The following CNTN1 variants were observed in gnomAD, a reference collection of about 807,000 sequenced individuals.
CNTN1 encodes contactin-1.
A neutral mutation model predicts 126.4 loss-of-function variants in CNTN1; 38 were observed. That is an observed-to-expected ratio of 0.30 (90% CI 0.23 to 0.39). The LOEUF is 0.39. CNTN1 is among the 10% of genes least tolerant of loss of function. The probability of loss-of-function intolerance (pLI) is 1.00; values close to 1 mark genes in which losing one functional copy is unlikely to be tolerated. For missense variants in CNTN1, 1,009 were observed against 1,248.4 expected (o/e 0.81, Z 2.89); for synonymous variants, 413 against 422.6 (o/e 0.98, Z 0.28).
At chr12:40,788,949 A>T (rs1940127501) in intron 1 of CNTN1, among the ~76,000 whole-genome samples, 1 of 152,090 alleles carries the variant, frequency 6.6e-6, no homozygotes, top group African/African-American at 2.4e-5. Context: ...TTAATTTTTA[A>T]TTTAGATCTT....
chr12:41,017,874 C>G (rs1486257557), intron 19 of CNTN1, among the ~76,000 whole-genome samples: 1 of 151,970 alleles, frequency 6.6e-6, no homozygotes, highest in Non-Finnish European at 1.5e-5. Context: ...GGTGGATCAC[C>G]TGAGGTTGGG....
rs191865736 is a variant in CNTN1, at chr12:40,887,804, C to T, written c.-76-20553C>T. ...GATAGACTGGATTAAGAAAATGTGG[C>T]GCGTATACACCATGGAATACTATGC... On this transcript the variant is annotated intron_variant, in intron 1 of 23. Coordinates refer to ENST00000551295, the MANE Select transcript of CNTN1 (RefSeq NM_001843.4). Among the ~76,000 whole-genome samples the T allele has an allele frequency of 1.5e-4, 23 of 152,114 alleles. No individual in the cohort carries two copies. In the East Asian group the frequency reaches 1.7e-3, roughly 11 times the overall value.
At chr12:40,876,870 A>C (rs1943686279) in intron 1 of CNTN1, among the ~76,000 whole-genome samples, 1 of 152,126 alleles carries the variant, frequency 6.6e-6, no homozygotes, top group African/African-American at 2.4e-5. Context: ...CATTTTAATG[A>C]ATTCAATACA....
chr12:41,035,222 T>G (rs1949230061), intron 23 of CNTN1, among the ~76,000 whole-genome samples: 1 of 152,182 alleles, frequency 6.6e-6, no homozygotes, highest in Admixed American at 6.6e-5. Context: ...ATGGAACACA[T>G]GTAAGAATGG....
At chr12:41,051,314 AT>A (rs60640159) in intron 23 of CNTN1, among the ~76,000 whole-genome samples, 2,065 of 146,888 alleles carry the variant, frequency 0.014, 38 homozygotes, top group African/African-American at 0.047. Flanking sequence ...TGCCCAGATA[AT>A]TTTTTTTTTT....
At chr12:40,972,252 G>A (rs1406540481) in intron 15 of CNTN1, 3 of 985,174 alleles carry the variant, frequency 3.0e-6, no homozygotes, top group East Asian at 2.3e-4. Flanking sequence ...TTGGGTGGAA[G>A]GTTGTGATTT....
rs142951366 is a variant in CNTN1 at position 40,695,195 on chromosome 12, T to C, written c.-77+2603T>C. ...ACATTGAACACAGTCCTATAATAAG[T>C]AGCCTTAAAGATTCTTGTTCAGGAA... On this transcript the variant is annotated intron_variant, in intron 1 of 23. Coordinates refer to ENST00000551295, the MANE Select transcript of CNTN1 (RefSeq NM_001843.4). 5.0e-3 allele frequency among the ~76,000 whole-genome samples: 763 copies of C among 152,312 alleles called. 9 individuals carry two copies. The highest frequency in any genetic ancestry group is 0.017 in the African/African-American group (727 of 41,582).
intron 12 of CNTN1, among the ~76,000 whole-genome samples, chr12:40,939,878 C>A (rs1428311668): frequency 6.6e-6 from 1 of 151,906 alleles, no homozygotes; most frequent in African/African-American, 2.4e-5. Context: ...GTGCAGTTAG[C>A]CTATTAAATA....
Position 40,981,085 on chromosome 12 carries a change from G to A in CNTN1, c.1963+18G>A. The A allele has an allele frequency of 1.2e-6, 2 of 1,610,972 alleles. No individual in the cohort carries two copies. The highest frequency in any genetic ancestry group is 2.2e-5 in the South Asian group (2 of 90,928). ...AAAGACAGGTGAGTTTTATTTGTCT[G>A]ATTAATCCGTGCATGTTTTCAAAGT... On this transcript the variant is annotated intron_variant, in intron 16 of 23. Transcript: ENST00000551295.
At chr12:40,920,538 CT>C (rs1945400299) in intron 4 of CNTN1, among the ~76,000 whole-genome samples, 1 of 152,002 alleles carries the variant, frequency 6.6e-6, no homozygotes. Context: ...AAAAAATCAG[CT>C]CATGATGGAA....
At chr12:40,771,044 T>A (rs1159000528) in intron 1 of CNTN1, among the ~76,000 whole-genome samples, 1 of 152,110 alleles carries the variant, frequency 6.6e-6, no homozygotes. Flanking sequence ...GCATTTTCAT[T>A]TGTTCATAAT....
chr12:41,039,706 C>T (rs1251985790), intron 23 of CNTN1, among the ~76,000 whole-genome samples: 1 of 151,950 alleles, frequency 6.6e-6, no homozygotes, highest in South Asian at 2.1e-4. Context: ...ATTTGCAATG[C>T]ATACCAGCCT....
chr12:40,995,027 A>G (rs1226540656), intron 17 of CNTN1, among the ~76,000 whole-genome samples: 1 of 152,078 alleles, frequency 6.6e-6, no homozygotes, highest in Non-Finnish European at 1.5e-5. Flanking sequence ...TGAGCATAGG[A>G]CTACCTATGT....
chr12:40,766,746 A>G (rs537180356), intron 1 of CNTN1, among the ~76,000 whole-genome samples: 1 of 152,212 alleles, frequency 6.6e-6, no homozygotes, highest in Non-Finnish European at 1.5e-5. Context: ...AATGATAAAT[A>G]ATGGCAGATA....
At chr12:40,714,519 G>A (rs1028103094) in intron 1 of CNTN1, among the ~76,000 whole-genome samples, 2 of 152,248 alleles carry the variant, frequency 1.3e-5, no homozygotes, top group Non-Finnish European at 2.9e-5. Context: ...CACAGAAATA[G>A]AGGTTGAGAT....
chr12:40,970,500 A>G (rs1364314135), intron 15 of CNTN1, among the ~76,000 whole-genome samples: 4 of 152,116 alleles, frequency 2.6e-5, no homozygotes, highest in Admixed American at 6.6e-5. Flanking sequence ...TCTTCTATTT[A>G]AATAGCTATC....
intron 1 of CNTN1, among the ~76,000 whole-genome samples, chr12:40,870,081 T>A (rs192386075): frequency 6.6e-6 from 1 of 152,218 alleles, no homozygotes; most frequent in East Asian, 1.9e-4. Context: ...CAAGCCCTCT[T>A]GTCTGCTGCC....
rs141873598 is a variant in CNTN1 at position 40,917,061 on chromosome 12, C to CGGG, written c.95-1569_95-1567dup. On this transcript the variant is annotated intron_variant, in intron 3 of 23. Transcript: ENST00000551295. ...TAATTCTTCATACCAGTGGTGGGGG[C>CGGG]GGGGGGGGGGGCAGAACTAACTTGA... Among the ~76,000 whole-genome samples, 18 of 27,164 alleles carry CGGG rather than the reference C, an allele frequency of 6.6e-4. No individual in the cohort carries two copies. In the East Asian group the frequency reaches 7.6e-3, roughly 11 times the overall value. The allele number at this position is 27,164 out of a possible 152,430, so 17.8% of individuals were successfully genotyped here. A position where few individuals can be genotyped will look rare whatever the true frequency, so the allele number is the denominator to read the frequency against.
intron 20 of CNTN1, among the ~76,000 whole-genome samples, chr12:41,024,819 T>G (rs1157202177): frequency 6.6e-6 from 1 of 152,190 alleles, no homozygotes; most frequent in Non-Finnish European, 1.5e-5. Flanking sequence ...GACAAATACT[T>G]CCAAATGGAG....
Sources: gnomAD v4.1 joint callset for allele counts (sites outside exome capture counted in the v4.1 genomes callset) on GRCh38, gnomAD v4.1.1 for gene constraint, MANE v1.5 for transcripts, NCBI Gene and HGNC (gene_info 2026-07-23, HGNC 2026-07-21) for gene names.